ERGIC3: variants seen among roughly 807,000 people sequenced by gnomAD.
ERGIC3 encodes the protein ERGIC and golgi 3.
A neutral mutation model predicts 54.7 loss-of-function variants in ERGIC3; 33 were observed. That is an observed-to-expected ratio of 0.60 (90% CI 0.46 to 0.81). The LOEUF is 0.81. Ranked by LOEUF, ERGIC3 falls within the 30% of genes least tolerant of loss-of-function variation. ERGIC3 has a pLI of 0.00. For synonymous variants in ERGIC3, 186 were observed against 189.8 expected (o/e 0.98, Z 0.16); for missense variants, 399 against 488.4 (o/e 0.82, Z 1.73).
intron 7 of ERGIC3, among the ~76,000 whole-genome samples, chr20:35,550,405 CAGG>C (rs1404115432): frequency 6.6e-6 from 1 of 151,826 alleles, no homozygotes; most frequent in African/African-American, 2.4e-5. Context: ...CACCTGAGGT[CAGG>C]AGTTCAAGAC....
chr20:35,557,191 C>T lies in ERGIC3; in HGVS notation c.1017-3C>T. Reference sequence around the variant, plus strand: ...TGCTGAGCCCACCCTCTCCTTCTACCAGGTCCTTCACCCACTTCCTGACAG... The same window carrying T: ...TGCTGAGCCCACCCTCTCCTTCTACTAGGTCCTTCACCCACTTCCTGACAG... On this transcript the variant is annotated splice_polypyrimidine_tract_variant and splice_region_variant and intron_variant, in intron 11 of 12. Transcript: ENST00000348547. 1 of 1,614,222 alleles carries T rather than the reference C, an allele frequency of 6.2e-7. No homozygotes were observed. Among genetic ancestry groups the T allele is most frequent in the East Asian group, 2.2e-5 (1 of 44,882 alleles).
chr20:35,556,437 C>A, intron 10 of ERGIC3, 166 bp downstream of exon 10: 1 of 715,044 alleles, frequency 1.4e-6, no homozygotes. Context: ...AGGCAGAGTG[C>A]AGGCCTGGGG....
intron 10 of ERGIC3, 154 bp downstream of exon 10, chr20:35,556,425 C>A: frequency 1.3e-6 from 1 of 796,736 alleles, no homozygotes. Context: ...ATTTGCCCTC[C>A]CAGGCAGAGT....
intron 4 of ERGIC3, chr20:35,543,634 G>C (rs537355453): frequency 2.8e-5 from 13 of 471,140 alleles, no homozygotes; most frequent in Non-Finnish European, 4.8e-5. Flanking sequence ...CTCTGGTGGG[G>C]AGTTTTATCA....
chr20:35,544,519 C>A, intron 4 of ERGIC3: 1 of 276,460 alleles, frequency 3.6e-6, no homozygotes. Context: ...TGCGTCCCCA[C>A]TCTTTTCTTG....
chr20:35,554,407 G>T (rs754333496), intron 7 of ERGIC3: 1 of 1,614,094 alleles, frequency 6.2e-7, no homozygotes, highest in East Asian at 2.2e-5. Context: ...CTGCCCCCAT[G>T]GAGGCCAAAC....
At chr20:35,544,027 T>TATC (rs2064632820) in intron 4 of ERGIC3, 1 of 210,802 alleles carries the variant, frequency 4.7e-6, no homozygotes, top group African/African-American at 2.4e-5. Context: ...TCTATCTATC[T>TATC]ATCTATCTAT....
chr20:35,542,713 C>CAA, intron 3 of ERGIC3, 109 bp from the exon 4 acceptor site: 1 of 1,603,926 alleles, frequency 6.2e-7, no homozygotes, highest in Non-Finnish European at 8.5e-7. Flanking sequence ...ACCTCCTTCT[C>CAA]CTCATCCCGT....
rs571650845 is a variant in ERGIC3 at position 35,543,025 on chromosome 20, A to G, written c.367+84A>G. 1.3e-5 allele frequency: 20 copies of G among 1,590,440 alleles called. 1 individual carries two copies. The Middle Eastern group carries it at 1.8e-3, about 145-fold the overall frequency. On this transcript the variant is annotated intron_variant, in intron 4 of 12. Transcript: ENST00000348547. ...TGCTAGCAAGTGAACTGTGGCAGGCATAGTGATACATTAAACAACTAAGAG... is the reference window on the plus strand; with the variant it reads ...TGCTAGCAAGTGAACTGTGGCAGGCGTAGTGATACATTAAACAACTAAGAG...
At chr20:35,547,613 A>G (rs1175942110) in intron 5 of ERGIC3, 108 bp downstream of exon 5, 1 of 949,606 alleles carries the variant, frequency 1.1e-6, no homozygotes, top group Non-Finnish European at 1.7e-6. Flanking sequence ...AAGAATCTAG[A>G]GTGGGCGGGG....
intron 7 of ERGIC3, among the ~76,000 whole-genome samples, chr20:35,551,500 G>A (rs1393823731): frequency 6.6e-6 from 1 of 152,168 alleles, no homozygotes; most frequent in African/African-American, 2.4e-5. Context: ...GGACTTGCCT[G>A]GAGATGCAGA....
At chr20:35,542,772 C>G in intron 3 of ERGIC3, 50 bp from the exon 4 acceptor site, 1 of 1,613,832 alleles carries the variant, frequency 6.2e-7, no homozygotes, top group South Asian at 1.1e-5. Flanking sequence ...AAACCCACAT[C>G]CCCTTGTCCC....
intron 4 of ERGIC3, chr20:35,545,321 G>A (rs2064642715): frequency 1.3e-5 from 2 of 152,054 alleles, no homozygotes; most frequent in Non-Finnish European, 2.9e-5. Flanking sequence ...ACTTTTGGAG[G>A]CTGAGGCAGT....
In ERGIC3 at chr20:35,556,951, C is replaced by T. The variant is rs900215393; in HGVS notation, c.880-22C>T. The T allele has an allele frequency of 3.1e-6, 5 of 1,613,742 alleles. No homozygotes were observed. The African/African-American group carries it at 4.0e-5, about 13-fold the overall frequency. ...GCCAGGTCCTAGCCCTAGCCCTGGCCCAGGCTCCCCTCCCACCCCAGGTAC... is the reference window on the plus strand; with the variant it reads ...GCCAGGTCCTAGCCCTAGCCCTGGCTCAGGCTCCCCTCCCACCCCAGGTAC... On this transcript the variant is annotated intron_variant, in intron 10 of 12. Coordinates refer to ENST00000348547, the MANE Select transcript of ERGIC3 (RefSeq NM_015966.3).
intron 8 of ERGIC3, among the ~76,000 whole-genome samples, 172 bp from the exon 9 acceptor site, chr20:35,555,861 C>G (rs1325041862): frequency 1.3e-5 from 2 of 151,414 alleles, no homozygotes; most frequent in Admixed American, 1.3e-4. Context: ...AGTTTGCAGG[C>G]TGTGGAAGGA....
At chr20:35,554,329 G>A (rs752153927) in intron 7 of ERGIC3, 2 of 1,613,812 alleles carry the variant, frequency 1.2e-6, no homozygotes, top group South Asian at 2.2e-5. Flanking sequence ...TCATTGTGAA[G>A]CTCTGAATCT....
At chr20:35,555,543 AG>A in intron 8 of ERGIC3, among the ~76,000 whole-genome samples, 1 of 152,300 alleles carries the variant, frequency 6.6e-6, no homozygotes, top group Middle Eastern at 3.4e-3. Context: ...CTGATACACA[AG>A]GGAGCAGGAA....
chr20:35,555,931 A>G (rs2064708781), intron 8 of ERGIC3, 102 bp from the exon 9 acceptor site: 1 of 1,107,884 alleles, frequency 9.0e-7, no homozygotes, highest in Non-Finnish European at 1.3e-6. Flanking sequence ...CCTTAGGACC[A>G]TAGCCTCCCC....
chr20:35,553,235 G>T (rs2064691889), intron 7 of ERGIC3, among the ~76,000 whole-genome samples: 2 of 143,814 alleles, frequency 1.4e-5, no homozygotes, highest in Non-Finnish European at 3.0e-5. Flanking sequence ...GGGCTCAAGT[G>T]ATCCTCCCGC....
Sources: gnomAD v4.1 joint callset for allele counts (sites outside exome capture counted in the v4.1 genomes callset) on GRCh38, gnomAD v4.1.1 for gene constraint, MANE v1.5 for transcripts, NCBI Gene and HGNC (gene_info 2026-07-23, HGNC 2026-07-21) for gene names.